PTPRK: variants seen among roughly 807,000 people sequenced by gnomAD.
PTPRK encodes protein tyrosine phosphatase receptor type K, also known as receptor-type tyrosine-protein phosphatase kappa.
PTPRK carries 75 observed loss-of-function variants against 178.0 expected under a neutral mutation model. That is an observed-to-expected ratio of 0.42 (90% CI 0.35 to 0.51). The LOEUF (loss-of-function observed/expected upper bound fraction) is 0.51, where lower values mean the gene tolerates loss of function less well. PTPRK is among the 20% of genes least tolerant of loss of function. PTPRK has a pLI of 0.02. For synonymous variants in PTPRK, 637 were observed against 620.6 expected (o/e 1.03, Z -0.39); for missense variants, 1,441 against 1,797.8 (o/e 0.80, Z 3.59).
intron 2 of PTPRK, among the ~76,000 whole-genome samples, chr6:128,390,966 C>T (rs1200321206): frequency 6.6e-6 from 1 of 152,056 alleles, no homozygotes; most frequent in East Asian, 1.9e-4. Context: ...CCATATGTCT[C>T]TACGTGTTTT....
At position 128,145,402 on chromosome 6, in the gene PTPRK, A is replaced by T. The variant is rs561720493; in HGVS notation, c.1162+39030T>A. The stretch of plus-strand genomic sequence containing the variant: ...TATGTCCAAACTCATAAAGTTGTGT[A>T]TATTAAAATGTACAGCTTTTACATG... On this transcript the variant is annotated intron_variant, in intron 7 of 29. Transcript: ENST00000368226. Among the ~76,000 whole-genome samples the T allele has an allele frequency of 1.6e-4, 25 of 152,288 alleles. No homozygotes were observed. The South Asian group carries it at 5.2e-3, about 32-fold the overall frequency.
At chr6:128,212,145 G>A (rs1808304825) in intron 6 of PTPRK, among the ~76,000 whole-genome samples, 1 of 151,952 alleles carries the variant, frequency 6.6e-6, no homozygotes, top group South Asian at 2.1e-4. Context: ...CAAAACCTAA[G>A]TCAAAATTCT....
intron 2 of PTPRK, among the ~76,000 whole-genome samples, chr6:128,332,076 T>C (rs1830353347): frequency 1.3e-5 from 2 of 152,288 alleles, no homozygotes; most frequent in South Asian, 2.1e-4. Flanking sequence ...GGTGTCCTCA[T>C]GGAATTTACC....
At chr6:128,381,322 C>T (rs1487742104) in intron 2 of PTPRK, among the ~76,000 whole-genome samples, 1 of 152,114 alleles carries the variant, frequency 6.6e-6, no homozygotes, top group East Asian at 1.9e-4. Flanking sequence ...ATTATTCTAT[C>T]TTTGTTATAA....
chr6:128,209,590 T>C (rs888516635), intron 6 of PTPRK, among the ~76,000 whole-genome samples: 2 of 152,202 alleles, frequency 1.3e-5, no homozygotes, highest in African/African-American at 2.4e-5. Flanking sequence ...TGGCACTTTA[T>C]ACCTCACTAT....
Position 128,077,682 on chromosome 6 carries a change from C to T in PTPRK, c.1883+1131G>A, listed in dbSNP as rs186076746. Among the ~76,000 whole-genome samples the T allele has an allele frequency of 3.5e-3, 539 of 152,058 alleles. 2 individuals carry two copies. Among genetic ancestry groups the T allele is most frequent in the African/African-American group, 0.012 (508 of 41,512 alleles). On this transcript the variant is annotated intron_variant, in intron 11 of 29. Transcript: ENST00000368226. ...GATTTCTGTGCCTTCATTTATTTCT[C>T]ATTAGAAGTTTGATAACAAAATGTC...
At chr6:128,458,899 C>T (rs189931339) in intron 1 of PTPRK, among the ~76,000 whole-genome samples, 63 of 152,246 alleles carry the variant, frequency 4.1e-4, no homozygotes, top group Non-Finnish European at 5.0e-4. Context: ...ACACAAACGA[C>T]GGACATTTCT....
At chr6:128,283,440 C>A (rs1485707547) in intron 3 of PTPRK, among the ~76,000 whole-genome samples, 2 of 152,128 alleles carry the variant, frequency 1.3e-5, no homozygotes, top group African/African-American at 4.8e-5. Context: ...TAAGGTAATT[C>A]TTCCTTCTCA....
At chr6:128,177,881 C>G (rs567298874) in intron 7 of PTPRK, among the ~76,000 whole-genome samples, 6 of 151,810 alleles carry the variant, frequency 4.0e-5, no homozygotes, top group African/African-American at 1.2e-4. Flanking sequence ...TTCCCATGAA[C>G]CCCAGAGGTT....
At chr6:128,291,641 C>A (rs984345247) in intron 3 of PTPRK, among the ~76,000 whole-genome samples, 1 of 152,104 alleles carries the variant, frequency 6.6e-6, no homozygotes, top group Non-Finnish European at 1.5e-5. Context: ...TCTCCCACTG[C>A]TGTGGTTATA....
chr6:128,125,402 A>G (rs1793173586), intron 7 of PTPRK, among the ~76,000 whole-genome samples: 1 of 151,960 alleles, frequency 6.6e-6, no homozygotes. Context: ...CCTGCCATGT[A>G]AGACACCTGC....
chr6:128,138,609 A>G (rs1393239016), intron 7 of PTPRK, among the ~76,000 whole-genome samples: 2 of 151,996 alleles, frequency 1.3e-5, no homozygotes, highest in African/African-American at 2.4e-5. Context: ...GATTTTTCTA[A>G]TCTCTTCTTC....
rs1401364701 is a variant in PTPRK, at chr6:128,464,647, A to ATATATATGTATATG, written c.100+55611_100+55612insCATATACATATATA. On this transcript the variant is annotated intron_variant, in intron 1 of 29. Coordinates refer to ENST00000368226, the MANE Select transcript of PTPRK (RefSeq NM_002844.4). ...TATATATATATATACACATATATATATATATATATATATATATATATATAT... is the reference window on the plus strand; with the variant it reads ...TATATATATATATACACATATATATATATATATGTATATGTATATATATATATATATATATATAT... Among the ~76,000 whole-genome samples, 246 of 93,006 alleles carry ATATATATGTATATG rather than the reference A, an allele frequency of 2.6e-3. 6 individuals are homozygous for ATATATATGTATATG. Among genetic ancestry groups the ATATATATGTATATG allele is most frequent in the African/African-American group, 0.012 (225 of 19,268 alleles). 61.0% of individuals were successfully genotyped at this position (93,006 alleles called of 152,430 possible). A position where few individuals can be genotyped will look rare whatever the true frequency, so the allele number is the denominator to read the frequency against.
At chr6:128,006,597 T>C (rs1056222982) in intron 14 of PTPRK, among the ~76,000 whole-genome samples, 4 of 150,996 alleles carry the variant, frequency 2.6e-5, no homozygotes, top group Non-Finnish European at 5.9e-5. Flanking sequence ...ATATACTATA[T>C]ATACACAGAT....
At chr6:128,480,580 TCA>T (rs1408937617) in intron 1 of PTPRK, among the ~76,000 whole-genome samples, 3 of 152,174 alleles carry the variant, frequency 2.0e-5, no homozygotes, top group Non-Finnish European at 4.4e-5. Context: ...CCACACACCT[TCA>T]GTTTCTTCTC....
chr6:128,039,248 C>A (rs564576638), intron 13 of PTPRK, among the ~76,000 whole-genome samples: 1 of 152,204 alleles, frequency 6.6e-6, no homozygotes, highest in East Asian at 1.9e-4. Flanking sequence ...CTATGGAATA[C>A]TTATATTTTC....
At chr6:128,437,152 T>C (rs1010880863) in intron 1 of PTPRK, among the ~76,000 whole-genome samples, 6 of 152,156 alleles carry the variant, frequency 3.9e-5, no homozygotes, top group African/African-American at 1.4e-4. Context: ...ACTAAGTTAA[T>C]AGTGTTAACT....
At position 128,056,157 on chromosome 6, in the gene PTPRK, G is replaced by GT. The variant is rs545504349; in HGVS notation, c.2194+8600dup. Among the ~76,000 whole-genome samples, 12 of 151,636 alleles carry GT rather than the reference G, an allele frequency of 7.9e-5. No homozygotes were observed. In the East Asian group the frequency reaches 2.3e-3, roughly 29 times the overall value. On this transcript the variant is annotated intron_variant, in intron 13 of 29. Transcript: ENST00000368226. Reference sequence around the variant, plus strand: ...GATGCCTCTGTGAAGCTTCCACTTTGTTTTCCCCTCCCTCTTTCCTCTTTA... The same window carrying GT: ...GATGCCTCTGTGAAGCTTCCACTTTGTTTTTCCCCTCCCTCTTTCCTCTTTA...
intron 2 of PTPRK, among the ~76,000 whole-genome samples, chr6:128,371,240 T>C (rs777187774): frequency 2.6e-5 from 4 of 152,230 alleles, no homozygotes; most frequent in African/African-American, 4.8e-5. Context: ...ATCTGTTTCA[T>C]CAGTTTGGAC....
Sources: allele counts gnomAD v4.1 joint callset (sites outside exome capture counted in the v4.1 genomes callset), GRCh38; gene constraint gnomAD v4.1.1; transcripts MANE v1.5; gene names NCBI Gene and HGNC (gene_info 2026-07-23, HGNC 2026-07-21).